The following CDK17 variants were observed in gnomAD, a reference collection of about 807,000 sequenced individuals.
CDK17 encodes cyclin dependent kinase 17.
Under a neutral mutation model 77.6 loss-of-function variants are expected in CDK17, and 24 were observed. That is an observed-to-expected ratio of 0.31 (90% CI 0.22 to 0.44). The LOEUF (loss-of-function observed/expected upper bound fraction) is 0.44. Among genes scored for constraint, CDK17 ranks in the 20% least tolerant of loss-of-function variants. CDK17 has a pLI of 1.00. For synonymous variants in CDK17, 203 were observed against 210.4 expected, an observed-to-expected ratio of 0.96 and a Z score of 0.30; for missense variants, 429 against 622.5, an observed-to-expected ratio of 0.69 and a Z score of 3.31.
chr12:96,350,710 A>G (rs1291605835), intron 1 of CDK17, among the ~76,000 whole-genome samples: 1 of 152,146 alleles, frequency 6.6e-6, no homozygotes, highest in Non-Finnish European at 1.5e-5. Flanking sequence ...CACCATATAC[A>G]AGAGTTAACT....
intron 1 of CDK17, among the ~76,000 whole-genome samples, chr12:96,369,459 T>C (rs1490747869): frequency 6.6e-6 from 1 of 151,882 alleles, no homozygotes; most frequent in Non-Finnish European, 1.5e-5. Flanking sequence ...ATACATCTCA[T>C]GTATATGTGG....
chr12:96,378,763 TAAGAA>T (rs772372789), intron 1 of CDK17, among the ~76,000 whole-genome samples: 2 of 152,144 alleles, frequency 1.3e-5, no homozygotes, highest in Non-Finnish European at 2.9e-5. Flanking sequence ...TACATCTACA[TAAGAA>T]AATACTATGA....
chr12:96,377,191 A>G (rs1953793022), intron 1 of CDK17, among the ~76,000 whole-genome samples: 1 of 152,222 alleles, frequency 6.6e-6, no homozygotes, highest in Non-Finnish European at 1.5e-5. Context: ...AAACACAACC[A>G]CAAGTATTAG....
intron 13 of CDK17, among the ~76,000 whole-genome samples, chr12:96,284,094 A>C (rs1051841927): frequency 6.6e-6 from 1 of 152,226 alleles, no homozygotes. Flanking sequence ...GCTATTCAGC[A>C]AATTTTTAGA....
intron 1 of CDK17, among the ~76,000 whole-genome samples, chr12:96,340,111 T>C (rs562143794): frequency 3.0e-4 from 45 of 151,994 alleles, no homozygotes; most frequent in African/African-American, 1.0e-3. Flanking sequence ...GAGCATTTTA[T>C]ATGCTCTATG....
intron 3 of CDK17, 88 bp from the exon 4 acceptor site, chr12:96,313,542 C>A: frequency 1.4e-6 from 1 of 703,076 alleles, no homozygotes; most frequent in East Asian, 3.4e-5. Flanking sequence ...AGAAGGCCAA[C>A]GAGTAAAAAT....
chr12:96,336,987 G>C lies in CDK17; in HGVS notation c.-29-2122C>G, dbSNP rs375382245. 9.2e-5 allele frequency among the ~76,000 whole-genome samples: 14 copies of C among 152,172 alleles called. No homozygotes were observed. The East Asian group carries it at 2.7e-3, about 29-fold the overall frequency. ...CTTAGTAATTTTTTATTGTATGTAAGACATTGTGAGTTATCATATGCATAT... is the reference window on the plus strand; with the variant it reads ...CTTAGTAATTTTTTATTGTATGTAACACATTGTGAGTTATCATATGCATAT... On this transcript the variant is annotated intron_variant, in intron 1 of 16. Coordinates refer to ENST00000261211, the MANE Select transcript of CDK17 (RefSeq NM_002595.5).
intron 10 of CDK17, among the ~76,000 whole-genome samples, chr12:96,294,775 G>A (rs1952380096): frequency 6.6e-6 from 1 of 151,688 alleles, no homozygotes; most frequent in Admixed American, 6.6e-5. Context: ...GGAGCCCTAG[G>A]GGTCTTTGTC....
intron 1 of CDK17, among the ~76,000 whole-genome samples, chr12:96,376,419 T>A (rs919111647): frequency 1.3e-5 from 2 of 152,228 alleles, no homozygotes; most frequent in Non-Finnish European, 2.9e-5. Context: ...TTGATGTTCC[T>A]TTCTGGTTTG....
At chr12:96,319,088 T>C (rs1176561933) in intron 3 of CDK17, among the ~76,000 whole-genome samples, 2 of 142,758 alleles carry the variant, frequency 1.4e-5, no homozygotes, top group Non-Finnish European at 3.1e-5. Context: ...AAGAATCAAA[T>C]AGACACAATA....
intron 1 of CDK17, among the ~76,000 whole-genome samples, chr12:96,368,166 A>G (rs1953618922): frequency 6.6e-6 from 1 of 152,200 alleles, no homozygotes; most frequent in Non-Finnish European, 1.5e-5. Context: ...AGAACAGTAG[A>G]TTAAGACTAA....
chr12:96,302,228 G>A (rs1281925885), intron 5 of CDK17, among the ~76,000 whole-genome samples: 1 of 152,002 alleles, frequency 6.6e-6, no homozygotes, highest in East Asian at 1.9e-4. Context: ...TAAAATACAA[G>A]TGAAGTTTTT....
chr12:96,378,751 G>T (rs149673032), intron 1 of CDK17, among the ~76,000 whole-genome samples: 1,601 of 152,138 alleles, frequency 0.011, 49 homozygotes, highest in Admixed American at 0.064. Context: ...ACTAAACTAC[G>T]GTACATCTAC....
chr12:96,324,137 C>A, intron 2 of CDK17, 25 bp from the exon 3 acceptor site: 1 of 1,572,380 alleles, frequency 6.4e-7, no homozygotes, highest in Non-Finnish European at 8.6e-7. Flanking sequence ...ATTCGAAAAT[C>A]ATTCCATCAT....
chr12:96,379,916 C>A (rs1953848162), intron 1 of CDK17, among the ~76,000 whole-genome samples: 1 of 152,060 alleles, frequency 6.6e-6, no homozygotes, highest in African/African-American at 2.4e-5. Flanking sequence ...CATCTTTAAT[C>A]CCAGCACTTT....
chr12:96,357,057 A>G (rs1484554388), intron 1 of CDK17, among the ~76,000 whole-genome samples: 2 of 152,210 alleles, frequency 1.3e-5, no homozygotes, highest in African/African-American at 4.8e-5. Context: ...GATGCTTTTG[A>G]TAATAATGGT....
intron 1 of CDK17, among the ~76,000 whole-genome samples, chr12:96,342,519 G>A (rs1013227236): frequency 6.6e-6 from 1 of 152,044 alleles, no homozygotes; most frequent in African/African-American, 2.4e-5. Context: ...CTAAGATCAT[G>A]CCACTGCACT....
At chr12:96,390,437 G>A (rs1400033683) in intron 1 of CDK17, among the ~76,000 whole-genome samples, 18 of 148,818 alleles carry the variant, frequency 1.2e-4, no homozygotes, top group African/African-American at 3.7e-4. Flanking sequence ...GGCCAGGTGC[G>A]GTGGCTCACG....
At chr12:96,308,152 C>T (rs887311201) in intron 5 of CDK17, among the ~76,000 whole-genome samples, 4 of 146,892 alleles carry the variant, frequency 2.7e-5, no homozygotes, top group Admixed American at 7.1e-5. Context: ...CCTAGCACTT[C>T]GGGAAACCAA....
Sources: gnomAD v4.1 joint callset for allele counts (sites outside exome capture counted in the v4.1 genomes callset) on GRCh38, gnomAD v4.1.1 for gene constraint, MANE v1.5 for transcripts, NCBI Gene and HGNC (gene_info 2026-07-23, HGNC 2026-07-21) for gene names.